The following ZAR1 variants were observed in gnomAD, a reference collection of about 807,000 sequenced individuals.
The protein encoded by ZAR1 is zygote arrest 1, also known as zygote arrest protein 1.
Under a neutral mutation model 38.3 loss-of-function variants are expected in ZAR1, and 37 were observed. The observed-to-expected ratio is 0.97, with a 90% CI of 0.74 to 1.27. ZAR1 has a LOEUF of 1.27. ZAR1 is among the 50% of genes most tolerant of loss of function. The pLI, the probability that ZAR1 is intolerant of heterozygous loss-of-function variation, is 0.00. For missense variants in ZAR1, 651 were observed against 632.4 expected (o/e 1.03, Z -0.32); for synonymous variants, 336 against 292.0 (o/e 1.15, Z -1.53).
chr4:48,494,272 C>G lies in ZAR1; in HGVS notation c.*28C>G. ...GAAAGTCAGTGTTGCTGTGCATGCG[C>G]TGATGGAGTAGACGAGTGAGCTTTT... On this transcript the variant is annotated 3_prime_UTR_variant, in exon 4 of 4. Coordinates refer to ENST00000327939, the MANE Select transcript of ZAR1 (RefSeq NM_175619.3). 1.9e-6 allele frequency: 3 copies of G among 1,612,194 alleles called. No homozygotes were observed. Among genetic ancestry groups the G allele is most frequent in the Non-Finnish European group, 2.5e-6 (3 of 1,178,764 alleles).
Position 48,490,910 on chromosome 4 carries a change from G to C in ZAR1, c.619G>C (p.Gly207Arg), listed in dbSNP as rs757656411. ...PGPAAGEQRS[G>R]ASDGERGPPP... ...GCCCGCGGCGGGCGAGCAGAGGTCC[G>C]GGGCGTCGGACGGAGAGAGGGGGCC... Residue 207 changes from glycine to arginine, a missense_variant, in exon 1 of 4, where the codon GGG (glycine) becomes CGG (arginine). Coordinates refer to ENST00000327939, the MANE Select transcript of ZAR1 (RefSeq NM_175619.3). 7.3e-7 allele frequency: 1 copy of C among 1,365,540 alleles called. No individual in the cohort carries two copies. Among genetic ancestry groups the C allele is most frequent in the South Asian group, 1.7e-5 (1 of 58,906 alleles). The allele number at this position is 1,365,540 out of a possible 1,614,324, so 84.6% of individuals were successfully genotyped here.
downstream of ZAR1, among the ~76,000 whole-genome samples, chr4:48,494,803 T>C (rs1474480629): frequency 2.6e-5 from 4 of 152,124 alleles, no homozygotes; most frequent in Non-Finnish European, 4.4e-5. Flanking sequence ...GTAAGAATGC[T>C]GAGTGGCGGT....
chr4:48,496,587 TCAA>T (rs1718624568), downstream of ZAR1, among the ~76,000 whole-genome samples: 1 of 152,164 alleles, frequency 6.6e-6, no homozygotes, highest in South Asian at 2.1e-4. Context: ...ATGCAGATAT[TCAA>T]CAAAGTGGCA....
downstream of ZAR1, chr4:48,497,391 T>C (rs1718682990): frequency 6.6e-6 from 1 of 152,402 alleles, no homozygotes; most frequent in South Asian, 2.1e-4. Flanking sequence ...TTTATTATAT[T>C]AATAGACTTA....
At chr4:48,494,734 G>C (rs927706169), downstream of ZAR1, among the ~76,000 whole-genome samples, 4 of 152,182 alleles carry the variant, frequency 2.6e-5, no homozygotes, top group African/African-American at 9.7e-5. Context: ...CATTCTTTTG[G>C]GAGAGGTGGA....
chr4:48,490,255 T>G lies in ZAR1; in HGVS notation c.-37T>G. On this transcript the variant is annotated 5_prime_UTR_variant, in exon 1 of 4. Coordinates refer to ENST00000327939, the MANE Select transcript of ZAR1 (RefSeq NM_175619.3). ...CGCTCGGCCGCCCGGGCAAGTCGCC[T>G]ATTTAGGGTGCGGCGGCGGGCGGGA... 6.8e-7 allele frequency: 1 copy of G among 1,468,712 alleles called. No homozygotes were observed. The highest frequency in any genetic ancestry group is 1.5e-5 in the African/African-American group (1 of 67,916). The allele number at this position is 1,468,712 out of a possible 1,614,324, so 91.0% of individuals were successfully genotyped here.
downstream of ZAR1, among the ~76,000 whole-genome samples, chr4:48,496,233 G>C (rs1293446951): frequency 6.6e-6 from 1 of 152,208 alleles, no homozygotes; most frequent in Non-Finnish European, 1.5e-5. Context: ...AGGCTAGAGA[G>C]AAATGACAAG....
chr4:48,491,535 C>G (rs1355262965), intron 1 of ZAR1, among the ~76,000 whole-genome samples: 1 of 151,022 alleles, frequency 6.6e-6, no homozygotes, highest in African/African-American at 2.4e-5. Flanking sequence ...CACTGTAAAC[C>G]TCGCGCAGTG....
Position 48,490,471 on chromosome 4 carries a change from G to C in ZAR1, c.180G>C (p.Ser60=). The C allele has an allele frequency of 6.8e-7, 1 of 1,470,024 alleles. No individual in the cohort carries two copies. The highest frequency in any genetic ancestry group is 8.9e-7 in the Non-Finnish European group (1 of 1,119,834). 91.1% of individuals were successfully genotyped at this position (1,470,024 alleles called of 1,614,324 possible). A position where few individuals can be genotyped will look rare whatever the true frequency, so the allele number is the denominator to read the frequency against. The change falls in exon 1 of 4, where the codon TCG becomes TCC. Residue 60 remains serine (S), a synonymous_variant. Transcript: ENST00000327939. ...CCCCCTGCTCGGCGGGCGCGGCCTC[G>C]TTGTCCTTCCCGGGCTGCGGGCGGC... The part of the protein sequence containing the change: ...ASSPCSAGAA[S]LSFPGCGRLT...
At chr4:48,492,166 G>T (rs1718461754) in intron 1 of ZAR1, among the ~76,000 whole-genome samples, 1 of 152,226 alleles carries the variant, frequency 6.6e-6, no homozygotes, top group Non-Finnish European at 1.5e-5. Context: ...ACTGAATTAA[G>T]TGCTCCCCAG....
At chr4:48,495,967 T>TGGA (rs548602364), downstream of ZAR1, among the ~76,000 whole-genome samples, 207 of 152,298 alleles carry the variant, frequency 1.4e-3, no homozygotes, top group African/African-American at 4.8e-3. Context: ...TGGTCTCTAC[T>TGGA]GGAGTGCAGG....
At chr4:48,493,341 G>T (rs1414340441) in intron 3 of ZAR1, among the ~76,000 whole-genome samples, 1 of 152,200 alleles carries the variant, frequency 6.6e-6, no homozygotes, top group Non-Finnish European at 1.5e-5. Flanking sequence ...GGTAGTCAAG[G>T]TTGACTGTTT....
rs1390840268 is a variant in ZAR1 at position 48,492,849 on chromosome 4, A to G, written c.1047A>G (p.Gly349=). 1.2e-6 allele frequency: 2 copies of G among 1,614,176 alleles called. No homozygotes were observed. The highest frequency in any genetic ancestry group is 1.7e-5 in the Admixed American group (1 of 60,024). The part of the protein sequence containing the change: ...WESAYVWCVQ[G]TNKVYFKQFC... ...GTGCTTATGTGTGGTGTGTACAGGG[A>G]ACTAACAAGGTAAGAAATACCAGGT... The change falls in exon 2 of 4, where the codon GGA becomes GGG. Residue 349 remains glycine, a synonymous_variant. Coordinates refer to ENST00000327939, the MANE Select transcript of ZAR1 (RefSeq NM_175619.3).
chr4:48,493,614 G>A (rs1311852158), intron 3 of ZAR1, among the ~76,000 whole-genome samples: 1 of 152,232 alleles, frequency 6.6e-6, no homozygotes. Context: ...CACAGCTAAT[G>A]GAGTCTGAAT....
chr4:48,492,724 T>C (rs1213918887), intron 1 of ZAR1, 42 bp from the exon 2 acceptor site: 1 of 1,561,500 alleles, frequency 6.4e-7, no homozygotes, highest in East Asian at 2.2e-5. Context: ...GAAGGATAAT[T>C]CAGGTGTTTT....
downstream of ZAR1, among the ~76,000 whole-genome samples, chr4:48,495,291 C>T (rs1213949594): frequency 6.6e-6 from 1 of 152,142 alleles, no homozygotes; most frequent in African/African-American, 2.4e-5. Context: ...TAATTGGAAC[C>T]ATGTGCTAAT....
At position 48,490,598 on chromosome 4, in the gene ZAR1, A is replaced by G; in HGVS notation, c.307A>G (p.Ser103Gly). ...CGGGCCGCGCGCCCGCAGGGCCGGC[A>G]GCTGCGACGTGGCGGTGCAGGTGAG... ...GLGPRARRAG[S>G]CDVAVQVSPR... The change falls in exon 1 of 4, where the codon AGC (serine) becomes GGC (glycine). Residue 103 changes from serine to glycine, a missense_variant. Physicochemically the swap from Ser to Gly is moderately conservative, Grantham distance 56. This residue lies in a region of ZAR1 where 522 missense variants were observed against 459.9 expected (regional missense o/e 1.14). Coordinates refer to ENST00000327939, the MANE Select transcript of ZAR1 (RefSeq NM_175619.3). 1 of 1,379,408 alleles carries G rather than the reference A, an allele frequency of 7.2e-7. No homozygotes were observed. The highest frequency in any genetic ancestry group is 1.7e-5 in the South Asian group (1 of 59,012). 85.4% of individuals were successfully genotyped at this position (1,379,408 alleles called of 1,614,324 possible). A position where few individuals can be genotyped will look rare whatever the true frequency, so the allele number is the denominator to read the frequency against.
downstream of ZAR1, among the ~76,000 whole-genome samples, chr4:48,495,817 TAAC>T (rs1262989278): frequency 5.3e-5 from 8 of 152,094 alleles, no homozygotes; most frequent in African/African-American, 1.4e-4. Context: ...CAGATTAGGT[TAAC>T]AACAATCTGC....
At position 48,490,680 on chromosome 4, in the gene ZAR1, G is replaced by C. The variant is rs1277894009; in HGVS notation, c.389G>C (p.Arg130Pro). The change falls in exon 1 of 4, where the codon CGG (arginine) becomes CCG (proline). Residue 130 changes from arginine (R) to proline (P), a missense_variant. Arg to Pro is a moderately radical substitution (Grantham distance 103, BLOSUM62 -2). Around this residue, in one of 2 missense-constraint regions of ZAR1, gnomAD observed 522 missense variants for 459.9 expected, o/e 1.14. Coordinates refer to ENST00000327939, the MANE Select transcript of ZAR1 (RefSeq NM_175619.3). ...CTGGGGAGGCGCACGCTGCAGCGCCGGGCCCGCGACCCCGAGTCCCCGGCC... is the reference window on the plus strand; with the variant it reads ...CTGGGGAGGCGCACGCTGCAGCGCCCGGCCCGCGACCCCGAGTCCCCGGCC... ...CSLGRRTLQR[R>P]ARDPESPAGP... 2.0e-5 allele frequency: 26 copies of C among 1,314,472 alleles called. No individual in the cohort carries two copies. Among genetic ancestry groups the C allele is most frequent in the Non-Finnish European group, 2.5e-5 (26 of 1,036,704 alleles). The allele number at this position is 1,314,472 out of a possible 1,614,324, so 81.4% of individuals were successfully genotyped here.
Sources: allele counts gnomAD v4.1 joint callset (sites outside exome capture counted in the v4.1 genomes callset), GRCh38; gene constraint gnomAD v4.1.1; regional missense constraint gnomAD v4.1.1; transcripts MANE v1.5; gene names NCBI Gene and HGNC (gene_info 2026-07-23, HGNC 2026-07-21).